Variants in CBX8 observed in about 807,000 individuals in gnomAD.
The protein encoded by CBX8 is chromobox 8.
Under a neutral mutation model 39.7 loss-of-function variants are expected in CBX8, and 8 were observed. That is an observed-to-expected ratio of 0.20 (90% CI 0.12 to 0.36). CBX8 has a LOEUF of 0.36. CBX8 is among the 10% of genes least tolerant of loss of function. CBX8 has a pLI of 1.00. For synonymous variants in CBX8, 268 were observed against 219.8 expected, an observed-to-expected ratio of 1.22 and a Z score of -1.94; for missense variants, 505 against 529.6, an observed-to-expected ratio of 0.95 and a Z score of 0.46.
rs1166433508 is a variant in CBX8, at chr17:79,792,778, C to T, written c.*1857G>A. 1 of 152,232 alleles carries T rather than the reference C, an allele frequency of 6.6e-6. No individual in the cohort carries two copies. Among genetic ancestry groups the T allele is most frequent in the Non-Finnish European group, 1.5e-5 (1 of 68,048 alleles). 9.4% of individuals were successfully genotyped at this position (152,232 alleles called of 1,614,324 possible). Reference sequence around the variant, plus strand: ...AAAACAAACACAATCATGTAGTACACCGTTTCCCTCCTTTTCTCTCTTTAA... The same window carrying T: ...AAAACAAACACAATCATGTAGTACATCGTTTCCCTCCTTTTCTCTCTTTAA... On this transcript the variant is annotated 3_prime_UTR_variant, in exon 5 of 5. Transcript: ENST00000269385.
At position 79,795,590 on chromosome 17, in the gene CBX8, G is replaced by A. The variant is rs765166468; in HGVS notation, c.247-32C>T. 2 of 1,464,126 alleles carry A rather than the reference G, an allele frequency of 1.4e-6. 1 individual carries two copies. The highest frequency in any genetic ancestry group is 2.9e-5 in the South Asian group (2 of 69,988). 90.7% of individuals were successfully genotyped at this position (1,464,126 alleles called of 1,614,324 possible). On this transcript the variant is annotated intron_variant, in intron 4 of 4. Coordinates refer to ENST00000269385, the MANE Select transcript of CBX8 (RefSeq NM_020649.3). This position sits in a 1 kb window ranked among gnomAD's most constrained non-coding sequence, Gnocchi z 5.8. ...GAGAGAAGATGGTCTCAAGAGTGGGGCAGGGCCCTGTCCACCCCCACAGGA... is the reference window on the plus strand; with the variant it reads ...GAGAGAAGATGGTCTCAAGAGTGGGACAGGGCCCTGTCCACCCCCACAGGA...
rs797003329 is a variant in CBX8, at chr17:79,795,708, A to C, written c.247-150T>G. 19 of 573,770 alleles carry C rather than the reference A, an allele frequency of 3.3e-5. No homozygotes were observed. The highest frequency in any genetic ancestry group is 4.7e-4 in the Middle Eastern group (1 of 2,150). The allele number at this position is 573,770 out of a possible 1,614,324, so 35.5% of individuals were successfully genotyped here. On this transcript the variant is annotated intron_variant, in intron 4 of 4. Transcript: ENST00000269385. This position sits in a 1 kb window ranked among gnomAD's most constrained non-coding sequence, Gnocchi z 5.8. ...GATGGGTGGGTGGGTGGGTGGGTGG[A>C]TGGCTGGATGAATGGGTGGGATGGC...
chr17:79,793,512 C>G lies in CBX8; in HGVS notation c.*1123G>C, dbSNP rs1194627267. 6.6e-6 allele frequency: 1 copy of G among 152,562 alleles called. No homozygotes were observed. The highest frequency in any genetic ancestry group is 6.5e-5 in the Admixed American group (1 of 15,290). The allele number at this position is 152,562 out of a possible 1,614,324, so 9.5% of individuals were successfully genotyped here. A position where few individuals can be genotyped will look rare whatever the true frequency, so the allele number is the denominator to read the frequency against. On this transcript the variant is annotated 3_prime_UTR_variant, in exon 5 of 5. Transcript: ENST00000269385. ...TGGAGAGGCCCTGGGTGCGAAGCCA[C>G]TGCTCCTAGCAGCGCCCGCCGCCGC...
intron 2 of CBX8, 66 bp downstream of exon 2, chr17:79,796,431 A>G: frequency 6.2e-7 from 1 of 1,608,770 alleles, no homozygotes; most frequent in Non-Finnish European, 8.5e-7. Flanking sequence ...TGTAAAGGCA[A>G]AAAGAGGAAG....
rs749671641 is a variant in CBX8, at chr17:79,794,746, G to A, written c.1059C>T (p.Pro353=). 2.5e-5 allele frequency: 41 copies of A among 1,613,324 alleles called. No individual in the cohort carries two copies. Among genetic ancestry groups the A allele is most frequent in the Non-Finnish European group, 3.4e-5 (40 of 1,179,514 alleles). ...LGDPEEESWS[P]SLTNLEKVVV... is the part of the protein sequence containing the mutation. ...CCACCTTCTCCAGGTTAGTCAGGGA[G>A]GGGCTCCAGGACTCTTCCTCCGGGT... is the stretch of plus-strand genomic sequence containing the variant. Residue 353 remains proline, a synonymous_variant, in exon 5 of 5, where the codon CCC becomes CCT. Transcript: ENST00000269385.
At position 79,795,947 on chromosome 17, in the gene CBX8, T is replaced by C. The variant is rs1276930325; in HGVS notation, c.246+110A>G. The C allele has an allele frequency of 1.0e-6, 1 of 967,146 alleles. No individual in the cohort carries two copies. The highest frequency in any genetic ancestry group is 1.6e-6 in the Non-Finnish European group (1 of 616,830). 59.9% of individuals were successfully genotyped at this position (967,146 alleles called of 1,614,324 possible). A position where few individuals can be genotyped will look rare whatever the true frequency, so the allele number is the denominator to read the frequency against. ...CTTGTCAGGGAACTCCCTCCTACAT[T>C]ACAAATAGGCAACATGTGTGGACAC... On this transcript the variant is annotated intron_variant, in intron 4 of 4. Transcript: ENST00000269385. This position sits in a 1 kb window ranked among gnomAD's most constrained non-coding sequence, Gnocchi z 5.8.
chr17:79,796,216 T>G, intron 3 of CBX8, 34 bp downstream of exon 3: 3 of 1,613,718 alleles, frequency 1.9e-6, no homozygotes, highest in Non-Finnish European at 2.5e-6. Context: ...TACTTGTTTC[T>G]AAGTGAGCGG....
chr17:79,796,468 G>T, intron 2 of CBX8, 29 bp downstream of exon 2: 2 of 1,613,784 alleles, frequency 1.2e-6, no homozygotes, highest in Non-Finnish European at 1.7e-6. Context: ...TAACAGTCTG[G>T]GGTTGAGAAT....
Position 79,794,656 on chromosome 17 carries a change from G to A in CBX8, c.1149C>T (p.Gly383=). 1 of 1,577,742 alleles carries A rather than the reference G, an allele frequency of 6.3e-7. No homozygotes were observed. Residue 383 remains glycine, a synonymous_variant, in exon 5 of 5, where the codon GGC becomes GGT. Transcript: ENST00000269385. The part of the protein sequence containing the change: ...VTIKESNTDQ[G]FFKEKR ...GCATTCATCTTTTCTCTTTAAAAAA[G>A]CCTTGGTCCGTGTTACTTTCCTTAA...
At position 79,796,546 on chromosome 17, in the gene CBX8, G is replaced by A; in HGVS notation, c.70-6C>T. ...ACGAGGTATTCCATGCGTCCCTGCG[G>A]GTGCAAAGGCGATAATGTGTGTGCA... On this transcript the variant is annotated splice_polypyrimidine_tract_variant and splice_region_variant and intron_variant, in intron 1 of 4. Coordinates refer to ENST00000269385, the MANE Select transcript of CBX8 (RefSeq NM_020649.3). 8.7e-6 allele frequency: 14 copies of A among 1,614,132 alleles called. No individual in the cohort carries two copies. Among genetic ancestry groups the A allele is most frequent in the Non-Finnish European group, 1.2e-5 (14 of 1,180,030 alleles).
rs918839531 is a variant in CBX8 at position 79,793,169 on chromosome 17, G to A, written c.*1466C>T. 3.9e-5 allele frequency: 6 copies of A among 152,176 alleles called. No homozygotes were observed. The highest frequency in any genetic ancestry group is 9.7e-5 in the African/African-American group (4 of 41,434). The allele number at this position is 152,176 out of a possible 1,614,324, so 9.4% of individuals were successfully genotyped here. A position where few individuals can be genotyped will look rare whatever the true frequency, so the allele number is the denominator to read the frequency against. ...AGTCCGCCGGGCAGGGGCGTCCCAG[G>A]CCCCGCCGCCTCGCACGGCCTTCCC... On this transcript the variant is annotated 3_prime_UTR_variant, in exon 5 of 5. Transcript: ENST00000269385.
In CBX8 at chr17:79,794,092, CCTT is replaced by C; in HGVS notation, c.*540_*542del. 6.6e-6 allele frequency: 1 copy of C among 152,244 alleles called. No homozygotes were observed. The highest frequency in any genetic ancestry group is 2.1e-4 in the South Asian group (1 of 4,826). The allele number at this position is 152,244 out of a possible 1,614,324, so 9.4% of individuals were successfully genotyped here. ...AGGAAAACAGACTGACCCCACCCCCCCTTTTTTCTGATTGGGGAGCCAACCTTT... is the reference window on the plus strand; with the variant it reads ...AGGAAAACAGACTGACCCCACCCCCCTTTTCTGATTGGGGAGCCAACCTTT... On this transcript the variant is annotated 3_prime_UTR_variant, in exon 5 of 5. Transcript: ENST00000269385.
chr17:79,796,609 G>A, intron 1 of CBX8, 69 bp from the exon 2 acceptor site: 5 of 1,558,580 alleles, frequency 3.2e-6, no homozygotes, highest in East Asian at 2.2e-5. Context: ...AGAAATGCAT[G>A]CGAAAATGCA....
At position 79,795,386 on chromosome 17, in the gene CBX8, C is replaced by CTGCTGG. The variant is rs1568507941; in HGVS notation, c.413_418dup (p.Thr138_Ser139dup). The stretch of plus-strand genomic sequence containing the variant: ...CCGAGGGGCCTCTGCGCGGCAGGTG[C>CTGCTGG]TGCTGGTGCTGGTGCTGCTCGCTGG... On this transcript the variant is annotated inframe_insertion, in exon 5 of 5. Transcript: ENST00000269385. The surrounding 1 kb of genome is among the most constrained non-coding windows in gnomAD (Gnocchi z 5.8). 7 of 1,600,966 alleles carry CTGCTGG rather than the reference C, an allele frequency of 4.4e-6. No homozygotes were observed. The highest frequency in any genetic ancestry group is 2.2e-5 in the South Asian group (2 of 89,268).
rs772472271 is a variant in CBX8 at position 79,795,260 on chromosome 17, G to A, written c.545C>T (p.Thr182Ile). The A allele has an allele frequency of 1.2e-6, 2 of 1,611,486 alleles. No individual in the cohort carries two copies. The highest frequency in any genetic ancestry group is 2.2e-5 in the East Asian group (1 of 44,792). ...GCTGGGCTTGTCATCCACTCTGCTG[G>A]TACCCCGCTCTCGTTCCCTCTCACG... The part of the protein sequence containing the change: ...RERERERERG[T>I]SRVDDKPSSP... Residue 182 changes from threonine (T) to isoleucine (I), a missense_variant, in exon 5 of 5, where the codon ACC (threonine) becomes ATC (isoleucine). Thr to Ile is a moderately conservative substitution (Grantham distance 89). This residue lies in a region of CBX8 where 456 missense variants were observed against 389.2 expected (regional missense o/e 1.17). Transcript: ENST00000269385. The surrounding 1 kb of genome is among the most constrained non-coding windows in gnomAD (Gnocchi z 5.8).
In CBX8 at chr17:79,794,797, C is replaced by T. The variant is rs1164266894; in HGVS notation, c.1008G>A (p.Arg336=). Reference sequence around the variant, plus strand: ...CCCCCAGGATTCTGGCCACAGGGATCCTGGCGATGAGGGAGGGCCTTCCCC... The same window carrying T: ...CCCCCAGGATTCTGGCCACAGGGATTCTGGCGATGAGGGAGGGCCTTCCCC... ...AQGGRPSLIA[R]IPVARILGDP... The change falls in exon 5 of 5, where the codon AGG becomes AGA. Residue 336 remains arginine, a synonymous_variant. Coordinates refer to ENST00000269385, the MANE Select transcript of CBX8 (RefSeq NM_020649.3). 1 of 1,613,064 alleles carries T rather than the reference C, an allele frequency of 6.2e-7. No individual in the cohort carries two copies.
Position 79,794,094 on chromosome 17 carries a change from T to C in CBX8, c.*541A>G, listed in dbSNP as rs1423656591. 6.6e-6 allele frequency: 1 copy of C among 151,614 alleles called. No individual in the cohort carries two copies. The highest frequency in any genetic ancestry group is 3.4e-3 in the Middle Eastern group (1 of 290). The allele number at this position is 151,614 out of a possible 1,614,324, so 9.4% of individuals were successfully genotyped here. A position where few individuals can be genotyped will look rare whatever the true frequency, so the allele number is the denominator to read the frequency against. On this transcript the variant is annotated 3_prime_UTR_variant, in exon 5 of 5. Coordinates refer to ENST00000269385, the MANE Select transcript of CBX8 (RefSeq NM_020649.3). Reference sequence around the variant, plus strand: ...GAAAACAGACTGACCCCACCCCCCCTTTTTTCTGATTGGGGAGCCAACCTT... The same window carrying C: ...GAAAACAGACTGACCCCACCCCCCCCTTTTTCTGATTGGGGAGCCAACCTT...
In CBX8 at chr17:79,795,259, G is replaced by A; in HGVS notation, c.546C>T (p.Thr182=). Residue 182 remains threonine, a synonymous_variant, in exon 5 of 5, where the codon ACC becomes ACT. Coordinates refer to ENST00000269385, the MANE Select transcript of CBX8 (RefSeq NM_020649.3). The surrounding 1 kb of genome is among the most constrained non-coding windows in gnomAD (Gnocchi z 5.8). ...RERERERERG[T]SRVDDKPSSP... is the part of the protein sequence containing the mutation. ...AGCTGGGCTTGTCATCCACTCTGCT[G>A]GTACCCCGCTCTCGTTCCCTCTCAC... The A allele has an allele frequency of 6.2e-7, 1 of 1,611,510 alleles. No individual in the cohort carries two copies. Among genetic ancestry groups the A allele is most frequent in the Non-Finnish European group, 8.5e-7 (1 of 1,179,064 alleles).
In CBX8 at chr17:79,794,868, G is replaced by C; in HGVS notation, c.937C>G (p.Pro313Ala). ...NGTRVRHGSG[P>A]PSSGGGLYRD... ...TACAGGCCCCCCCCAGAGCTGGGGG[G>C]GCCTGAGCCATGTCGGACCCGGGTG... Residue 313 changes from proline to alanine, a missense_variant, in exon 5 of 5, where the codon CCC becomes GCC. Transcript: ENST00000269385. 1.9e-6 allele frequency: 3 copies of C among 1,611,776 alleles called. No homozygotes were observed. The highest frequency in any genetic ancestry group is 1.1e-5 in the South Asian group (1 of 90,972).
Sources: allele counts gnomAD v4.1 joint callset, GRCh38; gene constraint gnomAD v4.1.1; regional missense constraint gnomAD v4.1.1; non-coding constraint Gnocchi (gnomAD v3.1); transcripts MANE v1.5; gene names NCBI Gene and HGNC (gene_info 2026-07-23, HGNC 2026-07-21).